Variants in ADAM12 observed in about 807,000 individuals in gnomAD.
ADAM12 encodes disintegrin and metalloproteinase domain-containing protein 12.
A neutral mutation model predicts 106.4 loss-of-function variants in ADAM12; 70 were observed. The observed-to-expected ratio is 0.66, with a 90% CI of 0.54 to 0.80. ADAM12 has a LOEUF of 0.80. Ranked by LOEUF, ADAM12 falls within the 30% of genes least tolerant of loss-of-function variation. The probability of loss-of-function intolerance (pLI) is 0.00; values close to 1 mark genes in which losing one functional copy is unlikely to be tolerated. For synonymous variants in ADAM12, 420 were observed against 433.5 expected (o/e 0.97, Z 0.39); for missense variants, 1,010 against 1,171.9 (o/e 0.86, Z 2.02).
At chr10:126,073,742 GCTC>G (rs1454829448) in intron 11 of ADAM12, among the ~76,000 whole-genome samples, 1 of 152,188 alleles carries the variant, frequency 6.6e-6, no homozygotes, top group African/African-American at 2.4e-5. Flanking sequence ...AAATGAAAGT[GCTC>G]CTCTGTGGAT....
In ADAM12 at chr10:126,249,797, GCTTTTCTT is replaced by G. The variant is rs1565166873; in HGVS notation, c.260+29110_260+29117del. 3.3e-5 allele frequency among the ~76,000 whole-genome samples: 5 copies of G among 152,294 alleles called. No homozygotes were observed. The East Asian group carries it at 9.7e-4, about 29-fold the overall frequency. The stretch of plus-strand genomic sequence containing the variant: ...TGATTTAGAATTCATGGCTGAATTT[GCTTTTCTT>G]CTTTTCTTGAGTTCATCTAGCACTT... On this transcript the variant is annotated intron_variant, in intron 3 of 22. Transcript: ENST00000448723.
At chr10:126,350,763 G>A (rs1465674789) in intron 1 of ADAM12, among the ~76,000 whole-genome samples, 1 of 152,220 alleles carries the variant, frequency 6.6e-6, no homozygotes, top group Non-Finnish European at 1.5e-5. Context: ...ACTGAGCAGG[G>A]GATAGGGTGA....
chr10:126,279,083 A>C, intron 2 of ADAM12, 95 bp from the exon 3 acceptor site: 1 of 905,196 alleles, frequency 1.1e-6, no homozygotes, highest in Non-Finnish European at 1.8e-6. Flanking sequence ...ATGAGGGAAT[A>C]AACGATGCGG....
chr10:126,386,880 A>G (rs1488657391), intron 1 of ADAM12, among the ~76,000 whole-genome samples: 1 of 152,252 alleles, frequency 6.6e-6, no homozygotes, highest in Admixed American at 6.5e-5. Context: ...AACCCTCAGC[A>G]GGATTCTTTC....
intron 5 of ADAM12, among the ~76,000 whole-genome samples, chr10:126,130,068 C>T (rs1323095344): frequency 6.6e-6 from 1 of 152,152 alleles, no homozygotes; most frequent in African/African-American, 2.4e-5. Flanking sequence ...TTCTAGGACA[C>T]CCCAGCTTCC....
intron 3 of ADAM12, among the ~76,000 whole-genome samples, chr10:126,159,885 C>T (rs1956901631): frequency 1.3e-5 from 2 of 148,814 alleles, no homozygotes; most frequent in African/African-American, 2.4e-5. Context: ...CACAGTCATG[C>T]TTGGAGCTCT....
chr10:126,168,692 C>T (rs767276244), intron 3 of ADAM12, among the ~76,000 whole-genome samples: 4 of 152,094 alleles, frequency 2.6e-5, no homozygotes, highest in Non-Finnish European at 5.9e-5. Flanking sequence ...AAAACGAAAA[C>T]GGATCATGTC....
At chr10:126,326,285 G>C (rs1223968728) in intron 2 of ADAM12, among the ~76,000 whole-genome samples, 1 of 151,846 alleles carries the variant, frequency 6.6e-6, no homozygotes, top group Non-Finnish European at 1.5e-5. Context: ...GTTGAACACT[G>C]TTATTTGTAA....
chr10:126,287,385 C>A (rs1959919308), intron 2 of ADAM12, among the ~76,000 whole-genome samples: 1 of 152,150 alleles, frequency 6.6e-6, no homozygotes, highest in Non-Finnish European at 1.5e-5. Context: ...ACATGGATTT[C>A]TCAAACTTAA....
In ADAM12 at chr10:126,049,210, T is replaced by C. The variant is rs992977151; in HGVS notation, c.1917+43A>G. ...CTTGCTGTTTTTCAATGGGCCCTGTTCCAGACTTACATTTATGATCCAAGC... is the reference window on the plus strand; with the variant it reads ...CTTGCTGTTTTTCAATGGGCCCTGTCCCAGACTTACATTTATGATCCAAGC... On this transcript the variant is annotated intron_variant, in intron 16 of 22. Coordinates refer to ENST00000448723, the MANE Select transcript of ADAM12 (RefSeq NM_001288973.2). The surrounding 1 kb of genome is among the most constrained non-coding windows in gnomAD (Gnocchi z 4.4). The C allele has an allele frequency of 6.2e-7, 1 of 1,609,292 alleles. No individual in the cohort carries two copies.
intron 5 of ADAM12, among the ~76,000 whole-genome samples, chr10:126,124,181 C>T (rs1956160818): frequency 1.3e-5 from 2 of 152,112 alleles, no homozygotes; most frequent in African/African-American, 4.8e-5. Context: ...ATTATCCTGG[C>T]TAGCTCAGTG....
chr10:126,334,310 A>G (rs1008152076), intron 1 of ADAM12, among the ~76,000 whole-genome samples: 1 of 152,234 alleles, frequency 6.6e-6, no homozygotes, highest in Non-Finnish European at 1.5e-5. Context: ...ATATTTGGGC[A>G]TCAACAGAAC....
chr10:126,361,774 A>G (rs1042046268), intron 1 of ADAM12, among the ~76,000 whole-genome samples: 1 of 152,204 alleles, frequency 6.6e-6, no homozygotes, highest in African/African-American at 2.4e-5. Flanking sequence ...CACACTATAT[A>G]CAAAAAAGCC....
intron 11 of ADAM12, among the ~76,000 whole-genome samples, chr10:126,072,078 C>T (rs745951154): frequency 7.2e-5 from 11 of 152,078 alleles, no homozygotes; most frequent in East Asian, 1.9e-4. Flanking sequence ...GTACAAATGA[C>T]GGTGTTTATT....
At chr10:126,063,293 C>G (rs537737879) in intron 14 of ADAM12, among the ~76,000 whole-genome samples, 2 of 152,264 alleles carry the variant, frequency 1.3e-5, no homozygotes, top group African/African-American at 2.4e-5. Context: ...CTTTTCCCCC[C>G]CAGAAAGCTC....
rs1954427041 is a variant in ADAM12 at position 126,049,745 on chromosome 10, T to C, written c.1610-76A>G. 1 of 1,298,532 alleles carries C rather than the reference T, an allele frequency of 7.7e-7. No homozygotes were observed. The allele number at this position is 1,298,532 out of a possible 1,614,324, so 80.4% of individuals were successfully genotyped here. ...TTTTCATGGCTGTAGGCCTCTCAAA[T>C]GGTTACGGGGAGACGTGCTCAAAGC... is the stretch of plus-strand genomic sequence containing the variant. On this transcript the variant is annotated intron_variant, in intron 14 of 22. Coordinates refer to ENST00000448723, the MANE Select transcript of ADAM12 (RefSeq NM_001288973.2). The surrounding 1 kb of genome is among the most constrained non-coding windows in gnomAD (Gnocchi z 4.4).
At chr10:126,252,764 C>G (rs79763035) in intron 3 of ADAM12, among the ~76,000 whole-genome samples, 1 of 152,036 alleles carries the variant, frequency 6.6e-6, no homozygotes, top group Non-Finnish European at 1.5e-5. Context: ...ATGCTTTACC[C>G]GCTTTCTCGG....
intron 4 of ADAM12, among the ~76,000 whole-genome samples, chr10:126,145,936 G>C (rs1956619154): frequency 6.6e-6 from 1 of 152,218 alleles, no homozygotes; most frequent in African/African-American, 2.4e-5. Context: ...TTTGACTGAG[G>C]AGGCATTGGG....
intron 6 of ADAM12, among the ~76,000 whole-genome samples, chr10:126,113,445 C>T (rs565653936): frequency 7.3e-5 from 11 of 150,888 alleles, no homozygotes; most frequent in East Asian, 2.0e-4. Context: ...GAATCCCTCG[C>T]GGTCAGGAGT....
Sources: gnomAD v4.1 joint callset for allele counts (sites outside exome capture counted in the v4.1 genomes callset) on GRCh38, gnomAD v4.1.1 for gene constraint, Gnocchi (gnomAD v3.1) non-coding constraint, MANE v1.5 for transcripts, NCBI Gene and HGNC (gene_info 2026-07-23, HGNC 2026-07-21) for gene names.